Variants in TRRAP observed in about 807,000 individuals in gnomAD.
TRRAP encodes the protein transformation/transcription domain-associated protein.
TRRAP carries 41 observed loss-of-function variants against 438.8 expected under a neutral mutation model. The ratio of observed to expected loss-of-function variants is 0.09; its 90% CI spans 0.07 to 0.12. TRRAP has a LOEUF of 0.12. Among genes scored for constraint, TRRAP ranks in the 10% least tolerant of loss-of-function variants. The pLI, the probability that TRRAP is intolerant of heterozygous loss-of-function variation, is 1.00. For synonymous variants in TRRAP, 1,994 were observed against 1,962.9 expected (o/e 1.02, Z -0.42); for missense variants, 3,122 against 5,055.1 (o/e 0.62, Z 11.60).
At chr7:98,927,434 C>T in intron 23 of TRRAP, 68 bp downstream of exon 23, 4 of 1,543,632 alleles carry the variant, frequency 2.6e-6, no homozygotes, top group Non-Finnish European at 3.5e-6. Flanking sequence ...TAAAAACTTG[C>T]TCAGGACATT....
intron 4 of TRRAP, among the ~76,000 whole-genome samples, chr7:98,891,006 G>A (rs1369004697): frequency 6.7e-6 from 1 of 150,234 alleles, no homozygotes; most frequent in Non-Finnish European, 1.5e-5. Flanking sequence ...GTGTTGCCCA[G>A]GCTGGTCTTG....
chr7:98,926,095 G>A (rs782301964), intron 22 of TRRAP, among the ~76,000 whole-genome samples: 1 of 152,152 alleles, frequency 6.6e-6, no homozygotes, highest in Non-Finnish European at 1.5e-5. Context: ...TTAAGAAGTT[G>A]TCGAATACTT....
rs568306131 is a variant in TRRAP at position 98,892,807 on chromosome 7, G to T, written c.366+279G>T. Among the ~76,000 whole-genome samples, 3 of 152,322 alleles carry T rather than the reference G, an allele frequency of 2.0e-5. No homozygotes were observed. The East Asian group carries it at 5.8e-4, about 29-fold the overall frequency. On this transcript the variant is annotated intron_variant, in intron 5 of 72. Transcript: ENST00000456197. Reference sequence around the variant, plus strand: ...GTGAGCCGGGTGCGGGCCCGCAGACGCCCAGTGAGTGGCTCACTTGCATTG... The same window carrying T: ...GTGAGCCGGGTGCGGGCCCGCAGACTCCCAGTGAGTGGCTCACTTGCATTG...
intron 62 of TRRAP, among the ~76,000 whole-genome samples, chr7:98,987,115 C>T (rs1051392777): frequency 6.6e-6 from 1 of 152,132 alleles, no homozygotes; most frequent in Non-Finnish European, 1.5e-5. Flanking sequence ...TGGAGACCCC[C>T]ATTTCCAAAA....
intron 11 of TRRAP, 122 bp from the exon 12 acceptor site, chr7:98,903,257 T>C (rs1395943070): frequency 6.3e-6 from 8 of 1,262,086 alleles, no homozygotes; most frequent in Admixed American, 4.1e-5. Flanking sequence ...CCTGACCTCA[T>C]GTGACCCACC....
At position 98,917,592 on chromosome 7, in the gene TRRAP, C is replaced by T; in HGVS notation, c.2535C>T (p.Gly845=). 1 of 1,614,196 alleles carries T rather than the reference C, an allele frequency of 6.2e-7. No individual in the cohort carries two copies. The highest frequency in any genetic ancestry group is 1.1e-5 in the South Asian group (1 of 91,082). ...GGTCTCAGACATTGGTCAGCCAAGG[C>T]CTCAGGACGCTGGAGCTGTGTGTGG... ...LNGSQTLVSQ[G]LRTLELCVDN... The change falls in exon 20 of 73, where the codon GGC becomes GGT. Residue 845 remains glycine, a synonymous_variant. Coordinates refer to ENST00000456197, the MANE Select transcript of TRRAP (RefSeq NM_001375524.1).
intron 41 of TRRAP, 63 bp downstream of exon 41, chr7:98,955,367 C>G: frequency 6.7e-7 from 1 of 1,489,044 alleles, no homozygotes; most frequent in Non-Finnish European, 9.1e-7. Flanking sequence ...TGAACCTTTA[C>G]CTTGTCTTGT....
Position 98,976,267 on chromosome 7 carries a change from A to G in TRRAP, c.7958A>G (p.His2653Arg). The G allele has an allele frequency of 6.2e-7, 1 of 1,614,096 alleles. No homozygotes were observed. Among genetic ancestry groups the G allele is most frequent in the Non-Finnish European group, 8.5e-7 (1 of 1,179,982 alleles). ...LWKILSDRQQ[H>R]ALAGEISPFL... ...AAGATCCTCTCTGACAGACAGCAGC[A>G]TGTGAGTGTATCTTTAAAATCCTGT... The change falls in exon 54 of 73, where the codon CAT (histidine) becomes CGT (arginine). Residue 2653 changes from histidine (H) to arginine (R), a missense_variant and splice_region_variant. His to Arg is a conservative substitution (Grantham distance 29, BLOSUM62 0). Coordinates refer to ENST00000456197, the MANE Select transcript of TRRAP (RefSeq NM_001375524.1). The surrounding 1 kb of genome is among the most constrained non-coding windows in gnomAD (Gnocchi z 4.6).
chr7:98,999,198 G>T, intron 67 of TRRAP: 1 of 1,427,940 alleles, frequency 7.0e-7, no homozygotes, highest in Non-Finnish European at 9.9e-7. Flanking sequence ...CCTTCAGATA[G>T]GCTTTGCAGT....
intron 62 of TRRAP, among the ~76,000 whole-genome samples, chr7:98,986,965 A>T (rs1176123396): frequency 2.6e-5 from 4 of 152,166 alleles, no homozygotes; most frequent in African/African-American, 9.7e-5. Flanking sequence ...GTCTTTCTCC[A>T]TTGAATGGTC....
At chr7:98,890,710 A>G (rs1162638147) in intron 4 of TRRAP, among the ~76,000 whole-genome samples, 1 of 151,730 alleles carries the variant, frequency 6.6e-6, no homozygotes, top group Non-Finnish European at 1.5e-5. Context: ...GCAAATGTAT[A>G]CAGAAGAAGG....
intron 25 of TRRAP, 36 bp from the exon 26 acceptor site, chr7:98,931,369 G>A (rs782284618): frequency 5.0e-6 from 8 of 1,602,642 alleles, no homozygotes; most frequent in East Asian, 4.5e-5. Context: ...GGGTGGCATC[G>A]CCCTGCTTTC....
chr7:98,983,565 C>T, intron 60 of TRRAP, 106 bp downstream of exon 60: 64 of 1,258,934 alleles, frequency 5.1e-5, no homozygotes, highest in Non-Finnish European at 6.1e-5. Flanking sequence ...GTTTTTTTTT[C>T]CCCCAGGTTT....
rs782670281 is a variant in TRRAP at position 98,950,235 on chromosome 7, C to T, written c.5307C>T (p.Pro1769=). 6.2e-7 allele frequency: 1 copy of T among 1,614,212 alleles called. No homozygotes were observed. The highest frequency in any genetic ancestry group is 1.1e-5 in the South Asian group (1 of 91,086). The change falls in exon 38 of 73, where the codon CCC becomes CCT. Residue 1769 remains proline (P), a synonymous_variant. Coordinates refer to ENST00000456197, the MANE Select transcript of TRRAP (RefSeq NM_001375524.1). ...TTCGCTTTGTAGACTTCAACGACCC[C>T]AACTTCGGAGATGAATTAAAAGCTA... ...LFFRFVDFND[P]NFGDELKAKV...
intron 11 of TRRAP, among the ~76,000 whole-genome samples, chr7:98,903,032 G>T (rs575245171): frequency 1.2e-5 from 1 of 82,710 alleles, no homozygotes; most frequent in South Asian, 4.9e-4. Flanking sequence ...TAGTCTTAAC[G>T]GTTTTTTTTT....
intron 70 of TRRAP, among the ~76,000 whole-genome samples, chr7:99,010,724 C>T (rs900380095): frequency 1.3e-5 from 2 of 152,248 alleles, no homozygotes; most frequent in Admixed American, 6.5e-5. Context: ...TGTTAATTGG[C>T]CTGATATATT....
chr7:98,930,607 T>A (rs781922078), intron 24 of TRRAP, 26 bp from the exon 25 acceptor site: 2 of 1,611,610 alleles, frequency 1.2e-6, no homozygotes, highest in Non-Finnish European at 1.7e-6. Flanking sequence ...AGTAACGTGT[T>A]GTGGTTTGTT....
At chr7:98,932,218 A>G (rs1562947896) in intron 26 of TRRAP, among the ~76,000 whole-genome samples, 1 of 151,986 alleles carries the variant, frequency 6.6e-6, no homozygotes, top group Non-Finnish European at 1.5e-5. Flanking sequence ...GGTTCACGCC[A>G]TTCTCCTGCC....
intron 70 of TRRAP, among the ~76,000 whole-genome samples, chr7:99,010,150 C>T (rs199837926): frequency 5.9e-5 from 9 of 152,158 alleles, no homozygotes; most frequent in South Asian, 2.1e-4. Context: ...CCTCCCAAAG[C>T]GCTGGGATTA....
Sources: gnomAD v4.1 joint callset for allele counts (sites outside exome capture counted in the v4.1 genomes callset) on GRCh38, gnomAD v4.1.1 for gene constraint, Gnocchi (gnomAD v3.1) non-coding constraint, MANE v1.5 for transcripts, NCBI Gene and HGNC (gene_info 2026-07-23, HGNC 2026-07-21) for gene names.